Variants in TOR1AIP2 observed in about 807,000 individuals in gnomAD.
TOR1AIP2 encodes the protein torsin-1A-interacting protein 2.
In TOR1AIP2, 20 loss-of-function variants were observed where a neutral mutation model predicts 32.6. The observed-to-expected ratio is 0.61, with a 90% confidence interval of 0.43 to 0.89. The LOEUF (loss-of-function observed/expected upper bound fraction) is 0.89, where lower values mean the gene tolerates loss of function less well. Among genes scored for constraint, TOR1AIP2 ranks in the 40% least tolerant of loss-of-function variants. The pLI is 0.00. For synonymous variants in TOR1AIP2, 214 were observed against 210.8 expected (o/e 1.02, Z -0.13); for missense variants, 456 against 553.8 (o/e 0.82, Z 1.77).
chr1:179,872,680 C>T (rs1381489892), intron 2 of TOR1AIP2, among the ~76,000 whole-genome samples: 1 of 152,158 alleles, frequency 6.6e-6, no homozygotes, highest in East Asian at 1.9e-4. Context: ...CCTTCCTTTC[C>T]TACTTACCCT....
rs1187574813 is a variant in TOR1AIP2 at position 179,841,116 on chromosome 1, T to C, written c.*4955A>G. Reference sequence around the variant, plus strand: ...CAGGTATCTTAACTTTATTTAGCTCTCTGTAGAATTAACATCTTTGCAAAT... The same window carrying C: ...CAGGTATCTTAACTTTATTTAGCTCCCTGTAGAATTAACATCTTTGCAAAT... On this transcript the variant is annotated 3_prime_UTR_variant, in exon 7 of 7. Transcript: ENST00000609928. 1 of 152,142 alleles carries C rather than the reference T, an allele frequency of 6.6e-6. No individual in the cohort carries two copies. Among genetic ancestry groups the C allele is most frequent in the African/African-American group, 2.4e-5 (1 of 41,430 alleles). 9.4% of individuals were successfully genotyped at this position (152,142 alleles called of 1,614,324 possible). A position where few individuals can be genotyped will look rare whatever the true frequency, so the allele number is the denominator to read the frequency against.
Position 179,847,548 on chromosome 1 carries a change from ACC to A in TOR1AIP2, c.640_641del (p.Gly214PhefsTer23). ...GTTTGTTCTCACCATAGCTCCAAAAACCCTTTTTATTAATCTGTCTCATGGTG... is the reference window on the plus strand; with the variant it reads ...GTTTGTTCTCACCATAGCTCCAAAAACTTTTTATTAATCTGTCTCATGGTG... ...QDTMRQINKK[G>X]FWSYGPVILV... On this transcript the variant is annotated frameshift_variant, in exon 6 of 7. Coordinates refer to ENST00000609928, the MANE Select transcript of TOR1AIP2 (RefSeq NM_001199260.2). LOFTEE classifies it low-confidence loss of function (END_TRUNC). 6.2e-7 allele frequency: 1 copy of A among 1,613,078 alleles called. No individual in the cohort carries two copies. The highest frequency in any genetic ancestry group is 8.5e-7 in the Non-Finnish European group (1 of 1,179,382).
chr1:179,877,044 C>T (rs1416545494), intron 2 of TOR1AIP2, among the ~76,000 whole-genome samples, 195 bp downstream of exon 2: 2 of 151,580 alleles, frequency 1.3e-5, no homozygotes, highest in Non-Finnish European at 2.9e-5. Flanking sequence ...ATGTCGAGAA[C>T]CTAGGCATGT....
At chr1:179,866,437 A>T (rs1696776920) in intron 2 of TOR1AIP2, among the ~76,000 whole-genome samples, 1 of 151,458 alleles carries the variant, frequency 6.6e-6, no homozygotes, top group South Asian at 2.1e-4. Context: ...TTTGAGACAG[A>T]GTTTCATTCT....
In TOR1AIP2 at chr1:179,865,462, C is replaced by T; in HGVS notation, c.-173G>A. On this transcript the variant is annotated 5_prime_UTR_variant, in exon 3 of 7. Transcript: ENST00000609928. ...AGCAGTACAGATCTCAGGATAGCTCCTTCAAATCCCAGCTTCTCAAGAAGA... is the reference window on the plus strand; with the variant it reads ...AGCAGTACAGATCTCAGGATAGCTCTTTCAAATCCCAGCTTCTCAAGAAGA... 2.9e-6 allele frequency: 1 copy of T among 343,916 alleles called. No individual in the cohort carries two copies. Among genetic ancestry groups the T allele is most frequent in the Non-Finnish European group, 5.2e-6 (1 of 191,128 alleles). 21.3% of individuals were successfully genotyped at this position (343,916 alleles called of 1,614,324 possible).
chr1:179,853,317 T>A (rs766036812), intron 3 of TOR1AIP2, among the ~76,000 whole-genome samples: 2 of 152,216 alleles, frequency 1.3e-5, no homozygotes, highest in Non-Finnish European at 2.9e-5. Flanking sequence ...TGGACTGACT[T>A]TGAAGTGGTT....
At chr1:179,875,929 G>C (rs1216846210) in intron 2 of TOR1AIP2, 1 of 152,158 alleles carries the variant, frequency 6.6e-6, no homozygotes, top group Admixed American at 6.5e-5. Context: ...GTAGGACACA[G>C]TTTAATCCAG....
chr1:179,850,022 T>C (rs1301298463), intron 5 of TOR1AIP2, among the ~76,000 whole-genome samples: 1 of 152,246 alleles, frequency 6.6e-6, no homozygotes, highest in Non-Finnish European at 1.5e-5. Flanking sequence ...TTATATTTTA[T>C]ATTCTTTTGC....
In TOR1AIP2 at chr1:179,846,774, C is replaced by T; in HGVS notation, c.710G>A (p.Ser237Asn). Reference sequence around the variant, plus strand: ...TTGCTGGGCTGGAGAGGAATAGTAGCTATTCACAGAACTTGCCACAACAGC... The same window carrying T: ...TTGCTGGGCTGGAGAGGAATAGTAGTTATTCACAGAACTTGCCACAACAGC... ...VVAVVASSVN[S>N]YYSSPAQQVP... Residue 237 changes from serine (S) to asparagine (N), a missense_variant, in exon 7 of 7, where the codon AGC (serine) becomes AAC (asparagine). By Grantham distance (46) the Ser-to-Asn change is conservative. Transcript: ENST00000609928. 6.2e-7 allele frequency: 1 copy of T among 1,613,298 alleles called. No individual in the cohort carries two copies.
At chr1:179,867,251 T>A (rs984733472) in intron 2 of TOR1AIP2, among the ~76,000 whole-genome samples, 1 of 152,200 alleles carries the variant, frequency 6.6e-6, no homozygotes, top group African/African-American at 2.4e-5. Flanking sequence ...TAGAGTCAAG[T>A]AGACATACTG....
chr1:179,876,802 T>C (rs1647351507), intron 2 of TOR1AIP2, among the ~76,000 whole-genome samples: 2 of 152,166 alleles, frequency 1.3e-5, no homozygotes, highest in South Asian at 2.1e-4. Flanking sequence ...TGTGTAACAG[T>C]ATAAAGTCTG....
chr1:179,873,204 A>G (rs1758169), intron 2 of TOR1AIP2, among the ~76,000 whole-genome samples: 1 of 152,022 alleles, frequency 6.6e-6, no homozygotes, highest in Non-Finnish European at 1.5e-5. Flanking sequence ...TTTTGTTTTT[A>G]AAAATAGACA....
At position 179,865,483 on chromosome 1, in the gene TOR1AIP2, G is replaced by A. The variant is rs1294432895; in HGVS notation, c.-194C>T. ...GCTCCTTCAAATCCCAGCTTCTCAA[G>A]AAGAGATAGGGCTCTAGTCTAAATT... On this transcript the variant is annotated 5_prime_UTR_variant, in exon 3 of 7. Coordinates refer to ENST00000609928, the MANE Select transcript of TOR1AIP2 (RefSeq NM_001199260.2). The A allele has an allele frequency of 6.5e-6, 2 of 307,254 alleles. No individual in the cohort carries two copies. Among genetic ancestry groups the A allele is most frequent in the East Asian group, 1.1e-4 (2 of 17,488 alleles). The allele number at this position is 307,254 out of a possible 1,614,324, so 19.0% of individuals were successfully genotyped here.
At chr1:179,869,143 A>G (rs1558027539) in intron 2 of TOR1AIP2, 1 of 147,320 alleles carries the variant, frequency 6.8e-6, no homozygotes, top group Non-Finnish European at 1.5e-5. Context: ...CCCCAGCCCA[A>G]CTGTGTATTT....
At chr1:179,863,701 G>T in intron 3 of TOR1AIP2, 1 of 964,952 alleles carries the variant, frequency 1.0e-6, no homozygotes, top group Non-Finnish European at 1.2e-6. Context: ...AAAAAAAAGA[G>T]GATCGCAAGG....
chr1:179,853,449 A>G (rs1371456580), intron 3 of TOR1AIP2, among the ~76,000 whole-genome samples: 2 of 152,254 alleles, frequency 1.3e-5, no homozygotes, highest in Non-Finnish European at 2.9e-5. Flanking sequence ...AATCAAAATC[A>G]AAGGCACTTT....
chr1:179,863,759 C>T (rs1171850111), intron 3 of TOR1AIP2: 1 of 982,936 alleles, frequency 1.0e-6, no homozygotes, highest in Non-Finnish European at 1.2e-6. Flanking sequence ...GATAATATTG[C>T]TAAAAGCACT....
At chr1:179,848,745 G>T (rs1439146166) in intron 5 of TOR1AIP2, among the ~76,000 whole-genome samples, 1 of 152,062 alleles carries the variant, frequency 6.6e-6, no homozygotes, top group Non-Finnish European at 1.5e-5. Context: ...GAACTGAAAG[G>T]ATCTATAATG....
rs1468458200 is a variant in TOR1AIP2, at chr1:179,852,771, T to A, written c.-106A>T. The A allele has an allele frequency of 7.6e-6, 12 of 1,584,122 alleles. No individual in the cohort carries two copies. The highest frequency in any genetic ancestry group is 1.7e-4 in the Middle Eastern group (1 of 6,030). ...CTTGTCCCAAGTCCCAACAGACTCA[T>A]GCTTCCCATGGACCCAGGAAATAAG... On this transcript the variant is annotated 5_prime_UTR_variant, in exon 4 of 7. The change abolishes an upstream ATG in the 5' untranslated region. Transcript: ENST00000609928.
Sources: gnomAD v4.1 joint callset for allele counts (sites outside exome capture counted in the v4.1 genomes callset) on GRCh38, gnomAD v4.1.1 for gene constraint, MANE v1.5 for transcripts, NCBI Gene and HGNC (gene_info 2026-07-23, HGNC 2026-07-21) for gene names.